Variants in USP12 observed in about 807,000 individuals in gnomAD.
The protein encoded by USP12 is ubiquitin specific peptidase 12.
A neutral mutation model predicts 45.5 loss-of-function variants in USP12; 19 were observed. The ratio of observed to expected loss-of-function variants is 0.42; its 90% confidence interval spans 0.29 to 0.61. The LOEUF (loss-of-function observed/expected upper bound fraction) is 0.61. Among genes scored for constraint, USP12 ranks in the 20% least tolerant of loss-of-function variants. The pLI, the probability that USP12 is intolerant of heterozygous loss-of-function variation, is 0.22. For missense variants in USP12, 242 were observed against 447.7 expected, an observed-to-expected ratio of 0.54 and a Z score of 4.15; for synonymous variants, 149 against 148.8, an observed-to-expected ratio of 1.00 and a Z score of -0.01.
At chr13:27,114,076 A>G (rs1190172439) in intron 2 of USP12, among the ~76,000 whole-genome samples, 1 of 152,206 alleles carries the variant, frequency 6.6e-6, no homozygotes, top group African/African-American at 2.4e-5. Flanking sequence ...TTTTTAAAAC[A>G]AACAACCTAA....
chr13:27,156,173 A>C lies in USP12; in HGVS notation c.48+15419T>G, dbSNP rs535820977. 7.9e-5 allele frequency among the ~76,000 whole-genome samples: 12 copies of C among 151,724 alleles called. No homozygotes were observed. In the South Asian group the frequency reaches 2.5e-3, roughly 32 times the overall value. On this transcript the variant is annotated intron_variant, in intron 1 of 8. Coordinates refer to ENST00000282344, the MANE Select transcript of USP12 (RefSeq NM_182488.4). The stretch of plus-strand genomic sequence containing the variant: ...ATTCCACTGCAAACCAGAAGTACAC[A>C]TCACCTAAGTTTTTCCACCACCACT...
chr13:27,152,279 T>C lies in USP12; in HGVS notation c.48+19313A>G, dbSNP rs185493282. ...AACAAAATGTAGTATATCCACACAA[T>C]GGAACAATATTTGTCCATTAAAAGC... On this transcript the variant is annotated intron_variant, in intron 1 of 8. Transcript: ENST00000282344. Among the ~76,000 whole-genome samples, 2 of 152,314 alleles carry C rather than the reference T, an allele frequency of 1.3e-5. 1 individual carries two copies. Among genetic ancestry groups the C allele is most frequent in the Admixed American group, 1.3e-4 (2 of 15,298 alleles).
intron 1 of USP12, among the ~76,000 whole-genome samples, chr13:27,165,055 CTTT>C (rs35532017): frequency 3.8e-4 from 56 of 145,510 alleles, no homozygotes; most frequent in African/African-American, 7.0e-4. Context: ...AGCTGGTGTG[CTTT>C]TTTTTTTTTT....
At position 27,129,772 on chromosome 13, in the gene USP12, C is replaced by T. The variant is rs1247642349; in HGVS notation, c.49-13176G>A. Reference sequence around the variant, plus strand: ...AGAAATGCTGCAAAGAACTTTATTCCATTAATGTAGTTTCGGTCTTTTCAA... The same window carrying T: ...AGAAATGCTGCAAAGAACTTTATTCTATTAATGTAGTTTCGGTCTTTTCAA... On this transcript the variant is annotated intron_variant, in intron 1 of 8. Coordinates refer to ENST00000282344, the MANE Select transcript of USP12 (RefSeq NM_182488.4). This position sits in a 1 kb window ranked among gnomAD's most constrained non-coding sequence, Gnocchi z 4.0. Among the ~76,000 whole-genome samples the T allele has an allele frequency of 6.6e-6, 1 of 152,106 alleles. No homozygotes were observed. The highest frequency in any genetic ancestry group is 2.4e-5 in the African/African-American group (1 of 41,438).
chr13:27,103,947 G>C (rs1313555265), intron 3 of USP12, among the ~76,000 whole-genome samples: 1 of 152,100 alleles, frequency 6.6e-6, no homozygotes, highest in Non-Finnish European at 1.5e-5. Context: ...TGTATAAAGA[G>C]CCCATGTGAT....
chr13:27,120,462 G>A (rs1053610507), intron 1 of USP12, among the ~76,000 whole-genome samples: 1 of 152,090 alleles, frequency 6.6e-6, no homozygotes, highest in Admixed American at 6.6e-5. Context: ...AGACCAGCCT[G>A]GCCAACATGG....
Position 27,067,035 on chromosome 13 carries a change from G to A in USP12, c.*2248C>T, listed in dbSNP as rs1303595171. 2.0e-5 allele frequency: 3 copies of A among 152,136 alleles called. No homozygotes were observed. The highest frequency in any genetic ancestry group is 2.9e-5 in the Non-Finnish European group (2 of 68,014). The allele number at this position is 152,136 out of a possible 1,614,324, so 9.4% of individuals were successfully genotyped here. On this transcript the variant is annotated 3_prime_UTR_variant, in exon 9 of 9. Coordinates refer to ENST00000282344, the MANE Select transcript of USP12 (RefSeq NM_182488.4). Reference sequence around the variant, plus strand: ...CCTGACAAATCATACTATGAAGTACGGTGTAGATGTGAACAAGTATGTGAT... The same window carrying A: ...CCTGACAAATCATACTATGAAGTACAGTGTAGATGTGAACAAGTATGTGAT...
intron 2 of USP12, among the ~76,000 whole-genome samples, chr13:27,108,083 CAT>C (rs1265862702): frequency 7.9e-5 from 12 of 152,226 alleles, no homozygotes; most frequent in East Asian, 1.9e-4. Flanking sequence ...CACATGCACA[CAT>C]ATGTTTATTG....
At chr13:27,105,046 C>T (rs1875062542) in intron 3 of USP12, among the ~76,000 whole-genome samples, 1 of 152,192 alleles carries the variant, frequency 6.6e-6, no homozygotes, top group African/African-American at 2.4e-5. Flanking sequence ...CCACCACTTA[C>T]TAACTCTGTG....
intron 1 of USP12, among the ~76,000 whole-genome samples, chr13:27,140,163 G>A (rs1025774068): frequency 6.6e-6 from 1 of 152,060 alleles, no homozygotes; most frequent in South Asian, 2.1e-4. Flanking sequence ...GTTTTGAGTA[G>A]GGCAGAATAA....
At chr13:27,102,274 ATAG>A (rs927573466) in intron 3 of USP12, among the ~76,000 whole-genome samples, 4 of 152,164 alleles carry the variant, frequency 2.6e-5, no homozygotes, top group Admixed American at 1.3e-4. Flanking sequence ...TTCCAAAATA[ATAG>A]TAGATCACCC....
chr13:27,070,441 CAT>C (rs762905607), intron 8 of USP12, among the ~76,000 whole-genome samples: 109 of 151,186 alleles, frequency 7.2e-4, no homozygotes, highest in Middle Eastern at 3.5e-3. Context: ...TGGGGGGACA[CAT>C]GTATAAAAAT....
In USP12 at chr13:27,115,126, A is replaced by G. The variant is rs184528441; in HGVS notation, c.129+1390T>C. Among the ~76,000 whole-genome samples, 6 of 152,338 alleles carry G rather than the reference A, an allele frequency of 3.9e-5. No individual in the cohort carries two copies. In the East Asian group the frequency reaches 7.7e-4, roughly 20 times the overall value. ...AACAAGACACAGAGACCAGAAGCTTATATTTCTACTGATCAAATGAATCTC... is the reference window on the plus strand; with the variant it reads ...AACAAGACACAGAGACCAGAAGCTTGTATTTCTACTGATCAAATGAATCTC... On this transcript the variant is annotated intron_variant, in intron 2 of 8. Coordinates refer to ENST00000282344, the MANE Select transcript of USP12 (RefSeq NM_182488.4).
intron 1 of USP12, among the ~76,000 whole-genome samples, chr13:27,165,474 C>T (rs1878309155): frequency 1.3e-5 from 2 of 152,020 alleles, no homozygotes; most frequent in African/African-American, 4.8e-5. Flanking sequence ...ATACTTTTTA[C>T]CACAGGGAGG....
At chr13:27,160,936 T>A (rs1566008244) in intron 1 of USP12, among the ~76,000 whole-genome samples, 1 of 152,080 alleles carries the variant, frequency 6.6e-6, no homozygotes, top group Non-Finnish European at 1.5e-5. Context: ...TTCTTCCTGA[T>A]GCTCTCCCTC....
At chr13:27,069,986 T>A (rs1230019291) in intron 8 of USP12, among the ~76,000 whole-genome samples, 4 of 152,126 alleles carry the variant, frequency 2.6e-5, no homozygotes, top group African/African-American at 9.6e-5. Flanking sequence ...CTAACATATA[T>A]CCAAGAAAAA....
chr13:27,106,025 C>A (rs1406028089), intron 2 of USP12, 81 bp from the exon 3 acceptor site: 4 of 1,230,908 alleles, frequency 3.2e-6, no homozygotes, highest in Non-Finnish European at 4.5e-6. Context: ...TGGTTGAGAA[C>A]AGAAAGAGAT....
intron 8 of USP12, among the ~76,000 whole-genome samples, chr13:27,070,745 G>A (rs1202870825): frequency 6.6e-6 from 1 of 151,914 alleles, no homozygotes; most frequent in Admixed American, 6.6e-5. Context: ...GAGAGACAGG[G>A]TTTCTCCATA....
At chr13:27,075,002 T>C (rs1034523021) in intron 7 of USP12, among the ~76,000 whole-genome samples, 189 bp downstream of exon 7, 1 of 152,108 alleles carries the variant, frequency 6.6e-6, no homozygotes, top group African/African-American at 2.4e-5. Flanking sequence ...AAAAACAATA[T>C]ATTTTAACAT....
Sources: gnomAD v4.1 joint callset for allele counts (sites outside exome capture counted in the v4.1 genomes callset) on GRCh38, gnomAD v4.1.1 for gene constraint, Gnocchi (gnomAD v3.1) non-coding constraint, MANE v1.5 for transcripts, NCBI Gene and HGNC (gene_info 2026-07-23, HGNC 2026-07-21) for gene names.